The following TAF3 variants were observed in gnomAD, a reference collection of about 807,000 sequenced individuals.
TAF3 encodes transcription initiation factor TFIID subunit 3.
In TAF3, 7 loss-of-function variants were observed where a neutral mutation model predicts 80.6. That is an observed-to-expected ratio of 0.09 (90% CI 0.05 to 0.16). TAF3 has a LOEUF of 0.16. Ranked by LOEUF, TAF3 falls within the 10% of genes least tolerant of loss-of-function variation. The pLI is 1.00. For synonymous variants in TAF3, 444 were observed against 446.1 expected, an observed-to-expected ratio of 1.00 and a Z score of 0.06; for missense variants, 921 against 1,140.2, an observed-to-expected ratio of 0.81 and a Z score of 2.77.
chr10:7,986,233 G>A (rs1181620865), intron 4 of TAF3, among the ~76,000 whole-genome samples: 1 of 151,978 alleles, frequency 6.6e-6, no homozygotes, highest in Non-Finnish European at 1.5e-5. Context: ...ATGCAATGAT[G>A]ATTCCCATTT....
At chr10:8,007,079 G>A (rs1210571406) in intron 4 of TAF3, among the ~76,000 whole-genome samples, 1 of 152,198 alleles carries the variant, frequency 6.6e-6, no homozygotes, top group African/African-American at 2.4e-5. Flanking sequence ...ATGGGGCTTG[G>A]AGAAGTCCTT....
chr10:7,852,125 C>A (rs1837032986), intron 2 of TAF3, among the ~76,000 whole-genome samples: 1 of 152,066 alleles, frequency 6.6e-6, no homozygotes, highest in African/African-American at 2.4e-5. Flanking sequence ...CACTTTGTTG[C>A]CCAGGCTGGA....
chr10:8,008,640 A>G (rs980632302), intron 4 of TAF3, among the ~76,000 whole-genome samples: 2 of 152,224 alleles, frequency 1.3e-5, no homozygotes, highest in Non-Finnish European at 2.9e-5. Flanking sequence ...TTTCTTGCCC[A>G]TCTCCAGTGT....
rs1259745454 is a variant in TAF3 at position 7,965,199 on chromosome 10, G to C, written c.1689G>C (p.Glu563Asp). 1.2e-6 allele frequency: 2 copies of C among 1,605,876 alleles called. No individual in the cohort carries two copies. The highest frequency in any genetic ancestry group is 8.5e-7 in the Non-Finnish European group (1 of 1,178,034). Residue 563 changes from glutamate to aspartate, a missense_variant, in exon 3 of 7, where the codon GAG becomes GAC. Physicochemically the swap from Glu to Asp is conservative, Grantham distance 45 (BLOSUM62 2). Coordinates refer to ENST00000344293, the MANE Select transcript of TAF3 (RefSeq NM_031923.4). ...SKEKDKVKEK[E>D]KDKETGRETK... Reference sequence around the variant, plus strand: ...AGAAGGATAAAGTGAAAGAGAAAGAGAAAGACAAGGAAACTGGCAGGGAAA... The same window carrying C: ...AGAAGGATAAAGTGAAAGAGAAAGACAAAGACAAGGAAACTGGCAGGGAAA...
At chr10:7,915,536 G>C (rs1289038603) in intron 2 of TAF3, among the ~76,000 whole-genome samples, 2 of 151,458 alleles carry the variant, frequency 1.3e-5, no homozygotes, top group African/African-American at 4.8e-5. Context: ...CCAGCTACTT[G>C]GGAGGCTGAG....
At chr10:7,967,345 A>G (rs2131414561) in intron 3 of TAF3, among the ~76,000 whole-genome samples, 1 of 152,368 alleles carries the variant, frequency 6.6e-6, no homozygotes, top group East Asian at 1.9e-4. Flanking sequence ...TTCAACAGCC[A>G]TTATGAATTT....
intron 2 of TAF3, among the ~76,000 whole-genome samples, chr10:7,939,381 C>G (rs940047827): frequency 3.3e-5 from 5 of 152,116 alleles, no homozygotes; most frequent in African/African-American, 7.2e-5. Flanking sequence ...AAAATACATA[C>G]TGACAATAAC....
intron 4 of TAF3, among the ~76,000 whole-genome samples, chr10:7,982,578 T>C (rs1374485719): frequency 6.6e-6 from 1 of 152,218 alleles, no homozygotes; most frequent in East Asian, 1.9e-4. Context: ...TTTTGTAGTT[T>C]TAGTAGAGAT....
At chr10:7,879,091 C>G (rs1837336509) in intron 2 of TAF3, among the ~76,000 whole-genome samples, 1 of 152,032 alleles carries the variant, frequency 6.6e-6, no homozygotes, top group African/African-American at 2.4e-5. Context: ...CTTTTTGAAG[C>G]TAAGAGTTTA....
intron 2 of TAF3, among the ~76,000 whole-genome samples, chr10:7,955,682 T>C (rs1838127965): frequency 6.6e-6 from 1 of 152,270 alleles, no homozygotes; most frequent in South Asian, 2.1e-4. Flanking sequence ...TATTTTGTTC[T>C]AAGTCAATAT....
At chr10:7,825,416 C>T (rs1048570277) in intron 2 of TAF3, among the ~76,000 whole-genome samples, 5 of 152,146 alleles carry the variant, frequency 3.3e-5, no homozygotes, top group African/African-American at 1.2e-4. Context: ...GTTATTCAGC[C>T]ATCATCCCCA....
At chr10:7,870,567 C>G (rs1214223596) in intron 2 of TAF3, among the ~76,000 whole-genome samples, 1 of 152,182 alleles carries the variant, frequency 6.6e-6, no homozygotes, top group Non-Finnish European at 1.5e-5. Flanking sequence ...GAAACTGTAA[C>G]TGTTAGTGAA....
intron 3 of TAF3, among the ~76,000 whole-genome samples, 189 bp from the exon 4 acceptor site, chr10:7,977,052 G>T (rs1831680307): frequency 6.6e-6 from 1 of 152,196 alleles, no homozygotes; most frequent in African/African-American, 2.4e-5. Flanking sequence ...AAAGTTTGCA[G>T]AATTTCTCAT....
At chr10:8,008,923 C>G (rs1278274863) in intron 4 of TAF3, among the ~76,000 whole-genome samples, 155 bp from the exon 5 acceptor site, 3 of 152,268 alleles carry the variant, frequency 2.0e-5, no homozygotes, top group African/African-American at 4.8e-5. Context: ...GAGGCCACTT[C>G]ATGCAGGGCC....
intron 5 of TAF3, among the ~76,000 whole-genome samples, chr10:8,011,960 A>T (rs923537282): frequency 6.6e-6 from 1 of 152,150 alleles, no homozygotes; most frequent in Non-Finnish European, 1.5e-5. Context: ...GCTGTATCAC[A>T]TGAGCCCAGG....
At chr10:7,834,713 T>C (rs2131107952) in intron 2 of TAF3, among the ~76,000 whole-genome samples, 1 of 152,318 alleles carries the variant, frequency 6.6e-6, no homozygotes, top group South Asian at 2.1e-4. Flanking sequence ...AAGAAGATGA[T>C]AAAATTAGAA....
At chr10:7,923,283 G>T (rs1485482418) in intron 2 of TAF3, among the ~76,000 whole-genome samples, 1 of 151,968 alleles carries the variant, frequency 6.6e-6, no homozygotes, top group East Asian at 1.9e-4. Context: ...TAAGAACAGG[G>T]TGTCAGATGT....
chr10:7,855,845 G>T (rs1485014995), intron 2 of TAF3, among the ~76,000 whole-genome samples: 1 of 151,912 alleles, frequency 6.6e-6, no homozygotes, highest in East Asian at 1.9e-4. Flanking sequence ...TCTCAGGGAG[G>T]TAAGAGGCGG....
intron 2 of TAF3, among the ~76,000 whole-genome samples, chr10:7,899,935 A>G (rs1837542852): frequency 6.6e-6 from 1 of 152,220 alleles, no homozygotes. Context: ...TTTTAAAGGC[A>G]AGTATCTTTT....
Sources: allele counts gnomAD v4.1 joint callset (sites outside exome capture counted in the v4.1 genomes callset), GRCh38; gene constraint gnomAD v4.1.1; transcripts MANE v1.5; gene names NCBI Gene and HGNC (gene_info 2026-07-23, HGNC 2026-07-21).